PSEN1: variants seen among roughly 807,000 people sequenced by gnomAD.
PSEN1 encodes presenilin-1.
PSEN1 carries 15 observed loss-of-function variants against 53.5 expected under a neutral mutation model. That is an observed-to-expected ratio of 0.28 (90% CI 0.19 to 0.43). The LOEUF (loss-of-function observed/expected upper bound fraction) is 0.43, where lower values mean the gene tolerates loss of function less well. Ranked by LOEUF, PSEN1 falls within the 20% of genes least tolerant of loss-of-function variation. PSEN1 has a pLI of 1.00. For missense variants in PSEN1, 387 were observed against 571.2 expected, an observed-to-expected ratio of 0.68 and a Z score of 3.29; for synonymous variants, 208 against 209.8, an observed-to-expected ratio of 0.99 and a Z score of 0.08.
rs139669544 is a variant in PSEN1 at position 73,192,072 on chromosome 14, A to G, written c.549-572A>G. ...AACTGGTTTCCCATTTATATGAATG[A>G]TACAGAGCTTCCTATTAAGAAAAAG... On this transcript the variant is annotated intron_variant, in intron 6 of 11. Transcript: ENST00000324501. Among the ~76,000 whole-genome samples, 31 of 152,232 alleles carry G rather than the reference A, an allele frequency of 2.0e-4. 1 individual carries two copies. Among genetic ancestry groups the G allele is most frequent in the African/African-American group, 7.5e-4 (31 of 41,508 alleles).
At chr14:73,182,928 C>G (rs772355448) in intron 5 of PSEN1, among the ~76,000 whole-genome samples, 2 of 152,120 alleles carry the variant, frequency 1.3e-5, no homozygotes, top group African/African-American at 4.8e-5. Context: ...AAGCATCTCT[C>G]AAGAATGATG....
rs200406138 is a variant in PSEN1 at position 73,173,749 on chromosome 14, C to T, written c.480+42C>T. 1,029 of 1,605,622 alleles carry T rather than the reference C, an allele frequency of 6.4e-4. 1 individual carries two copies. The highest frequency in any genetic ancestry group is 8.3e-4 in the Middle Eastern group (5 of 6,042). ...GATCTTTGCTTTCCACCCTGTTCTTCTTATGGTTGGGTATTCTTGTCACAG... is the reference window on the plus strand; with the variant it reads ...GATCTTTGCTTTCCACCCTGTTCTTTTTATGGTTGGGTATTCTTGTCACAG... On this transcript the variant is annotated intron_variant, in intron 5 of 11. Coordinates refer to ENST00000324501, the MANE Select transcript of PSEN1 (RefSeq NM_000021.4).
chr14:73,209,298 CA>C (rs1440121022), intron 9 of PSEN1, among the ~76,000 whole-genome samples: 1 of 152,224 alleles, frequency 6.6e-6, no homozygotes, highest in Admixed American at 6.5e-5. Context: ...GCCATCTTTG[CA>C]GCAGCCACTC....
In PSEN1 at chr14:73,198,095, A is replaced by G; in HGVS notation, c.834A>G (p.Arg278=). 6.2e-7 allele frequency: 1 copy of G among 1,612,038 alleles called. No homozygotes were observed. Among genetic ancestry groups the G allele is most frequent in the Non-Finnish European group, 8.5e-7 (1 of 1,178,348 alleles). Residue 278 remains arginine (R), a synonymous_variant, in exon 8 of 12, where the codon AGA becomes AGG. Coordinates refer to ENST00000324501, the MANE Select transcript of PSEN1 (RefSeq NM_000021.4). ...TGCTGGTTGAAACAGCTCAGGAGAG[A>G]AATGAAACGCTTTTTCCAGCTCTCA... is the stretch of plus-strand genomic sequence containing the variant. ...LRMLVETAQE[R]NETLFPALIY...
intron 3 of PSEN1, among the ~76,000 whole-genome samples, chr14:73,165,997 A>C (rs935259733): frequency 1.3e-5 from 2 of 152,080 alleles, no homozygotes; most frequent in Admixed American, 6.5e-5. Context: ...CAGAGGTTGC[A>C]GTGAGCCAAG....
At chr14:73,145,112 C>T (rs185859124) in intron 1 of PSEN1, among the ~76,000 whole-genome samples, 2 of 152,078 alleles carry the variant, frequency 1.3e-5, no homozygotes, top group African/African-American at 4.8e-5. Flanking sequence ...AGGCTGGTCT[C>T]GAACTCCTGG....
intron 3 of PSEN1, among the ~76,000 whole-genome samples, chr14:73,161,596 G>A (rs8020594): frequency 0.026 from 3,962 of 152,256 alleles, 174 homozygotes; most frequent in African/African-American, 0.092. Context: ...GACACCCCAG[G>A]CTCAAGCTGT....
At chr14:73,140,131 A>G (rs1896876698) in intron 1 of PSEN1, among the ~76,000 whole-genome samples, 2 of 151,370 alleles carry the variant, frequency 1.3e-5, no homozygotes, top group African/African-American at 4.8e-5. Context: ...ATACAAAGGT[A>G]TATAGGACCA....
intron 10 of PSEN1, among the ~76,000 whole-genome samples, chr14:73,214,843 C>A (rs558544799): frequency 1.3e-5 from 2 of 152,246 alleles, no homozygotes; most frequent in South Asian, 2.1e-4. Context: ...GAAAAGAGTT[C>A]TGTGGATGGA....
rs990029928 is a variant in PSEN1, at chr14:73,218,275, T to C, written c.1249-859T>C. Among the ~76,000 whole-genome samples the C allele has an allele frequency of 7.9e-5, 12 of 151,766 alleles. No homozygotes were observed. In the East Asian group the frequency reaches 1.4e-3, roughly 17 times the overall value. On this transcript the variant is annotated intron_variant, in intron 11 of 11. Coordinates refer to ENST00000324501, the MANE Select transcript of PSEN1 (RefSeq NM_000021.4). ...CTAATTTTTGTATTTTTAGTGGAGA[T>C]GAGGTTTTGCCACATTGCCCAGGCT...
intron 5 of PSEN1, among the ~76,000 whole-genome samples, chr14:73,185,412 T>G (rs1271868517): frequency 6.6e-6 from 1 of 152,202 alleles, no homozygotes. Context: ...GAGACCGGCC[T>G]GGCCAACACA....
chr14:73,180,170 A>G (rs1898167721), intron 5 of PSEN1, among the ~76,000 whole-genome samples: 1 of 151,968 alleles, frequency 6.6e-6, no homozygotes, highest in Admixed American at 6.6e-5. Context: ...TTTTTAGTAG[A>G]GATGAGGGTT....
At chr14:73,141,994 G>A (rs1306675839) in intron 1 of PSEN1, among the ~76,000 whole-genome samples, 2 of 151,898 alleles carry the variant, frequency 1.3e-5, no homozygotes, top group Non-Finnish European at 2.9e-5. Flanking sequence ...CTGAACCTGG[G>A]AGGCGGAGCT....
At position 73,173,597 on chromosome 14, in the gene PSEN1, A is replaced by G. The variant is rs771002035; in HGVS notation, c.370A>G (p.Thr124Ala). The G allele has an allele frequency of 3.1e-6, 5 of 1,613,928 alleles. No individual in the cohort carries two copies. Reference sequence around the variant, plus strand: ...TACCCCATTCACAGAAGATACCGAGACTGTGGGCCAGAGAGCCCTGCACTC... The same window carrying G: ...TACCCCATTCACAGAAGATACCGAGGCTGTGGGCCAGAGAGCCCTGCACTC... The part of the protein sequence containing the change: ...IYTPFTEDTE[T>A]VGQRALHSIL... Residue 124 changes from threonine (T) to alanine (A), a missense_variant, in exon 5 of 12, where the codon ACT (threonine) becomes GCT (alanine). Physicochemically the swap from Thr to Ala is moderately conservative, Grantham distance 58. Coordinates refer to ENST00000324501, the MANE Select transcript of PSEN1 (RefSeq NM_000021.4).
intron 8 of PSEN1, among the ~76,000 whole-genome samples, chr14:73,203,586 A>AT (rs1361477144): frequency 6.6e-6 from 1 of 152,202 alleles, no homozygotes; most frequent in Non-Finnish European, 1.5e-5. Flanking sequence ...TCTTTCATGC[A>AT]TTTTAATACT....
At chr14:73,202,418 CTATA>C (rs1248311168) in intron 8 of PSEN1, among the ~76,000 whole-genome samples, 280 of 27,124 alleles carry the variant, frequency 0.01, no homozygotes, top group African/African-American at 0.02. Context: ...CTATCACATA[CTATA>C]TATATATATA....
chr14:73,218,884 G>T (rs936405353), intron 11 of PSEN1, among the ~76,000 whole-genome samples: 1 of 152,114 alleles, frequency 6.6e-6, no homozygotes, highest in Non-Finnish European at 1.5e-5. Flanking sequence ...CTTATTTTCA[G>T]ATTCTATTTC....
chr14:73,210,403 T>G (rs1169400598), intron 9 of PSEN1, among the ~76,000 whole-genome samples: 1 of 152,230 alleles, frequency 6.6e-6, no homozygotes, highest in Non-Finnish European at 1.5e-5. Flanking sequence ...CAGGAAGAGT[T>G]ACATTTGCGT....
chr14:73,192,180 G>A lies in PSEN1; in HGVS notation c.549-464G>A, dbSNP rs145406041. The stretch of plus-strand genomic sequence containing the variant: ...TGGCCAGGCACCGTGGCTCATGCTT[G>A]TAATCCCAGCACTTTGGGAGGCTGA... On this transcript the variant is annotated intron_variant, in intron 6 of 11. Coordinates refer to ENST00000324501, the MANE Select transcript of PSEN1 (RefSeq NM_000021.4). Among the ~76,000 whole-genome samples the A allele has an allele frequency of 9.3e-4, 142 of 152,242 alleles. 1 individual carries two copies. The highest frequency in any genetic ancestry group is 1.1e-3 in the African/African-American group (45 of 41,546).
Sources: gnomAD v4.1 joint callset for allele counts (sites outside exome capture counted in the v4.1 genomes callset) on GRCh38, gnomAD v4.1.1 for gene constraint, MANE v1.5 for transcripts, NCBI Gene and HGNC (gene_info 2026-07-23, HGNC 2026-07-21) for gene names.